RELN: variants seen among roughly 807,000 people sequenced by gnomAD.
RELN encodes reelin.
In RELN, 108 loss-of-function variants were observed where a neutral mutation model predicts 427.6. The ratio of observed to expected loss-of-function variants is 0.25; its 90% confidence interval spans 0.22 to 0.30. The LOEUF (loss-of-function observed/expected upper bound fraction) is 0.30. RELN is among the 10% of genes least tolerant of loss of function. The pLI is 1.00. For missense variants in RELN, 3,715 were observed against 4,302.8 expected (o/e 0.86, Z 3.82); for synonymous variants, 1,524 against 1,513.4 (o/e 1.01, Z -0.16).
At chr7:103,973,883 C>T (rs900801253) in intron 1 of RELN, among the ~76,000 whole-genome samples, 1 of 152,212 alleles carries the variant, frequency 6.6e-6, no homozygotes, top group African/African-American at 2.4e-5. Flanking sequence ...TGGCTCACGC[C>T]TATAATCCCA....
intron 24 of RELN, among the ~76,000 whole-genome samples, chr7:103,599,596 T>C (rs1831617457): frequency 6.6e-6 from 1 of 152,150 alleles, no homozygotes; most frequent in African/African-American, 2.4e-5. Context: ...GATCTTTATA[T>C]GTAAAAATCA....
At chr7:103,666,826 G>T (rs1352978424) in intron 11 of RELN, among the ~76,000 whole-genome samples, 1 of 151,612 alleles carries the variant, frequency 6.6e-6, no homozygotes, top group Non-Finnish European at 1.5e-5. Context: ...TTTCACACTT[G>T]AATCAATGAG....
chr7:103,979,757 CT>C lies in RELN; in HGVS notation c.226+9373del, dbSNP rs759237637. Among the ~76,000 whole-genome samples the C allele has an allele frequency of 1.5e-4, 23 of 152,296 alleles. 1 individual carries two copies. Among genetic ancestry groups the C allele is most frequent in the South Asian group, 1.0e-3 (5 of 4,820 alleles). ...AAGAGAGGAATATACAATAGATGAA[CT>C]TCAATAAATATCTTTAAAATGTCCC... is the stretch of plus-strand genomic sequence containing the variant. On this transcript the variant is annotated intron_variant, in intron 1 of 64. Transcript: ENST00000428762.
At chr7:103,675,782 T>C (rs1195546848) in intron 11 of RELN, among the ~76,000 whole-genome samples, 1 of 152,112 alleles carries the variant, frequency 6.6e-6, no homozygotes, top group Non-Finnish European at 1.5e-5. Context: ...AAACAAGAAA[T>C]GGGGAAAAGA....
chr7:103,850,154 T>C (rs1469643861), intron 2 of RELN, among the ~76,000 whole-genome samples: 1 of 152,196 alleles, frequency 6.6e-6, no homozygotes, highest in Non-Finnish European at 1.5e-5. Context: ...ATAACAAATG[T>C]CAATGGAATA....
chr7:103,941,590 C>T (rs1243108020), intron 1 of RELN, among the ~76,000 whole-genome samples: 2 of 152,022 alleles, frequency 1.3e-5, no homozygotes, highest in Non-Finnish European at 2.9e-5. Context: ...TTAATGTCTA[C>T]TCATTCTAAA....
chr7:103,485,590 G>T lies in RELN; in HGVS notation c.9983+607C>A, dbSNP rs1394110773. On this transcript the variant is annotated intron_variant, in intron 61 of 64. Transcript: ENST00000428762. ...CTCTGGTTAAGGTAGCCAAAGCTGGGAAGGGCAGGTAGGGAAGGAAATTCA... is the reference window on the plus strand; with the variant it reads ...CTCTGGTTAAGGTAGCCAAAGCTGGTAAGGGCAGGTAGGGAAGGAAATTCA... 2.0e-5 allele frequency among the ~76,000 whole-genome samples: 3 copies of T among 152,282 alleles called. No individual in the cohort carries two copies. The East Asian group carries it at 5.8e-4, about 29-fold the overall frequency.
At position 103,777,700 on chromosome 7, in the gene RELN, C is replaced by G. The variant is rs2299382; in HGVS notation, c.474-1073G>C. Among the ~76,000 whole-genome samples, 319 of 152,268 alleles carry G rather than the reference C, an allele frequency of 2.1e-3. 1 individual carries two copies. The East Asian group carries it at 0.027, about 13-fold the overall frequency. On this transcript the variant is annotated intron_variant, in intron 3 of 64. Coordinates refer to ENST00000428762, the MANE Select transcript of RELN (RefSeq NM_005045.4). ...TTGCTCTGGCCCACGTGTGGATGCACCTTTCCCCTCCCTTCTGCAGACCTT... is the reference window on the plus strand; with the variant it reads ...TTGCTCTGGCCCACGTGTGGATGCAGCTTTCCCCTCCCTTCTGCAGACCTT...
intron 20 of RELN, among the ~76,000 whole-genome samples, chr7:103,624,560 G>A (rs1832287181): frequency 2.0e-5 from 3 of 152,110 alleles, no homozygotes; most frequent in Non-Finnish European, 4.4e-5. Flanking sequence ...CCAAGTAGCT[G>A]GGATTACAGG....
intron 6 of RELN, among the ~76,000 whole-genome samples, chr7:103,741,689 G>C (rs552816364): frequency 1.1e-4 from 16 of 152,022 alleles, no homozygotes; most frequent in African/African-American, 3.9e-4. Context: ...GGAAAAGACA[G>C]GGAGGGAGGG....
intron 3 of RELN, among the ~76,000 whole-genome samples, chr7:103,831,568 G>A (rs2116402828): frequency 6.6e-6 from 1 of 152,210 alleles, no homozygotes; most frequent in African/African-American, 2.4e-5. Context: ...CAGAAGAGTT[G>A]GCATTTAAAA....
chr7:103,986,406 T>A (rs1157728428), intron 1 of RELN, among the ~76,000 whole-genome samples: 1 of 152,170 alleles, frequency 6.6e-6, no homozygotes, highest in Non-Finnish European at 1.5e-5. Flanking sequence ...CTATATATTT[T>A]TTATTTTTGT....
At chr7:103,610,878 C>T in intron 21 of RELN, 71 bp from the exon 22 acceptor site, 1 of 835,054 alleles carries the variant, frequency 1.2e-6, no homozygotes, top group Non-Finnish European at 2.1e-6. Flanking sequence ...TACTCACCCA[C>T]TGTAAGTGAA....
At chr7:103,628,562 T>C in intron 20 of RELN, among the ~76,000 whole-genome samples, 1 of 152,194 alleles carries the variant, frequency 6.6e-6, no homozygotes, top group South Asian at 2.1e-4. Flanking sequence ...CTGCTGTGTG[T>C]GAGATCTGAC....
At chr7:103,934,594 T>TA (rs1205402806) in intron 1 of RELN, among the ~76,000 whole-genome samples, 2 of 152,172 alleles carry the variant, frequency 1.3e-5, no homozygotes, top group African/African-American at 4.8e-5. Flanking sequence ...TCAAGCACCT[T>TA]AAACTAAAAT....
chr7:103,871,330 T>C (rs932228536), intron 2 of RELN, among the ~76,000 whole-genome samples: 1 of 152,156 alleles, frequency 6.6e-6, no homozygotes, highest in South Asian at 2.1e-4. Flanking sequence ...TGTAAGTAGT[T>C]GTTCATAAGT....
At chr7:103,488,003 C>T (rs1423894860) in intron 60 of RELN, among the ~76,000 whole-genome samples, 3 of 152,024 alleles carry the variant, frequency 2.0e-5, no homozygotes, top group Non-Finnish European at 4.4e-5. Context: ...AGAAGATGAG[C>T]TGGGCATGGT....
In RELN at chr7:103,695,379, T is replaced by A. The variant is rs187749026; in HGVS notation, c.1143+2474A>T. On this transcript the variant is annotated intron_variant, in intron 10 of 64. Coordinates refer to ENST00000428762, the MANE Select transcript of RELN (RefSeq NM_005045.4). ...GCCAAGTCAAAGATAATGTTATAAA[T>A]CATTACTACAATGATTTTTTTTCCC... 1.1e-3 allele frequency among the ~76,000 whole-genome samples: 171 copies of A among 152,186 alleles called. 1 individual carries two copies. Among genetic ancestry groups the A allele is most frequent in the Admixed American group, 0.011 (170 of 15,270 alleles).
chr7:103,845,941 C>G (rs567502916), intron 2 of RELN, among the ~76,000 whole-genome samples: 1 of 152,158 alleles, frequency 6.6e-6, no homozygotes, highest in Non-Finnish European at 1.5e-5. Context: ...AATAGCCACA[C>G]TGCCCAAACA....
Sources: allele counts gnomAD v4.1 joint callset (sites outside exome capture counted in the v4.1 genomes callset), GRCh38; gene constraint gnomAD v4.1.1; transcripts MANE v1.5; gene names NCBI Gene and HGNC (gene_info 2026-07-23, HGNC 2026-07-21).